The following COL3A1 variants were observed in gnomAD, a reference collection of about 807,000 sequenced individuals.
COL3A1 encodes the protein collagen type III alpha 1 chain, also known as collagen alpha-1(III) chain.
A neutral mutation model predicts 200.9 loss-of-function variants in COL3A1; 46 were observed. The ratio of observed to expected loss-of-function variants is 0.23; its 90% CI spans 0.18 to 0.29. The LOEUF (loss-of-function observed/expected upper bound fraction) is 0.29, where lower values mean the gene tolerates loss of function less well. Among genes scored for constraint, COL3A1 ranks in the 10% least tolerant of loss-of-function variants. The probability of loss-of-function intolerance (pLI) is 1.00; values close to 1 mark genes in which losing one functional copy is unlikely to be tolerated. For synonymous variants in COL3A1, 650 were observed against 628.0 expected (o/e 1.03, Z -0.52); for missense variants, 1,367 against 1,917.6 (o/e 0.71, Z 5.36).
chr2:188,974,689 G>C, intron 1 of COL3A1, 121 bp downstream of exon 1: 2 of 798,562 alleles, frequency 2.5e-6, no homozygotes, highest in South Asian at 2.8e-5. Context: ...ATAAGCTCCA[G>C]ATTGTGAAAC....
intron 1 of COL3A1, among the ~76,000 whole-genome samples, chr2:188,984,144 C>A (rs1210835989): frequency 6.6e-6 from 1 of 151,874 alleles, no homozygotes; most frequent in Non-Finnish European, 1.5e-5. Flanking sequence ...TCTTTACATC[C>A]ATATGGGATA....
At position 188,998,288 on chromosome 2, in the gene COL3A1, C is replaced by A; in HGVS notation, c.1946C>A (p.Pro649His). ...TAGGGCTTGCCTGGTACAGGTGGTCCTCCAGGAGAAAATGGAAAACCTGGG... is the reference window on the plus strand; with the variant it reads ...TAGGGCTTGCCTGGTACAGGTGGTCATCCAGGAGAAAATGGAAAACCTGGG... ...GLQGLPGTGG[P>H]PGENGKPGEP... The change falls in exon 28 of 51, where the codon CCT becomes CAT. Residue 649 changes from proline to histidine, a missense_variant. By Grantham distance (77) the Pro-to-His change is moderately conservative (BLOSUM62 -2). Coordinates refer to ENST00000304636, the MANE Select transcript of COL3A1 (RefSeq NM_000090.4). 1 of 1,613,786 alleles carries A rather than the reference C, an allele frequency of 6.2e-7. No individual in the cohort carries two copies. Among genetic ancestry groups the A allele is most frequent in the South Asian group, 1.1e-5 (1 of 91,040 alleles).
chr2:189,005,238 A>G, intron 40 of COL3A1, 112 bp from the exon 41 acceptor site: 1 of 997,754 alleles, frequency 1.0e-6, no homozygotes, highest in Non-Finnish European at 1.5e-6. Context: ...TTTAAAATTC[A>G]ATGAAGATTA....
At chr2:188,993,060 G>A in intron 15 of COL3A1, 120 bp downstream of exon 15, 2 of 906,418 alleles carry the variant, frequency 2.2e-6, no homozygotes, top group East Asian at 4.9e-5. Flanking sequence ...ATCTATACAT[G>A]TCTTTAAAGC....
At chr2:188,998,354 A>C (rs773387414) in intron 28 of COL3A1, 35 bp downstream of exon 28, 1 of 1,570,872 alleles carries the variant, frequency 6.4e-7, no homozygotes. Flanking sequence ...ACTCAGAAAC[A>C]AAAAGAATAC....
intron 32 of COL3A1, among the ~76,000 whole-genome samples, chr2:189,000,912 C>A (rs1369073609): frequency 6.6e-6 from 1 of 152,064 alleles, no homozygotes; most frequent in Admixed American, 6.6e-5. Flanking sequence ...TCGCTTTTGA[C>A]AGACTAAGTA....
chr2:188,993,189 A>C (rs2153502264), intron 15 of COL3A1, among the ~76,000 whole-genome samples, 172 bp from the exon 16 acceptor site: 1 of 152,196 alleles, frequency 6.6e-6, no homozygotes, highest in East Asian at 1.9e-4. Flanking sequence ...AATCACACAC[A>C]CATAGTTACA....
Position 188,990,196 on chromosome 2 carries a change from A to G in COL3A1, c.744+47A>G, listed in dbSNP as rs576067998. On this transcript the variant is annotated intron_variant, in intron 9 of 50. Coordinates refer to ENST00000304636, the MANE Select transcript of COL3A1 (RefSeq NM_000090.4). ...AATTAATTGGAATAATCTTAGCTTG[A>G]AAACTATTATGTAATTCAATGGAAT... 5.0e-6 allele frequency: 8 copies of G among 1,600,682 alleles called. No homozygotes were observed. In the Admixed American group the frequency reaches 6.7e-5, roughly 13 times the overall value.
At chr2:188,981,822 A>G (rs746191213) in intron 1 of COL3A1, among the ~76,000 whole-genome samples, 15 of 151,604 alleles carry the variant, frequency 9.9e-5, no homozygotes, top group Non-Finnish European at 4.4e-5. Context: ...AGTAGAATAT[A>G]TTGCTAACTA....
At chr2:188,991,196 C>G (rs1233192039) in intron 11 of COL3A1, 139 bp downstream of exon 11, 4 of 858,154 alleles carry the variant, frequency 4.7e-6, no homozygotes, top group Non-Finnish European at 7.3e-6. Context: ...TAATGGTAAC[C>G]AATTCAGATA....
chr2:188,991,121 G>T, intron 11 of COL3A1, 64 bp downstream of exon 11: 3 of 1,515,244 alleles, frequency 2.0e-6, no homozygotes, highest in African/African-American at 1.4e-5. Context: ...CTACATATAA[G>T]ATTCATATTG....
At position 189,003,740 on chromosome 2, in the gene COL3A1, G is replaced by A. The variant is rs1475390693; in HGVS notation, c.2614G>A (p.Ala872Thr). 1.9e-6 allele frequency: 3 copies of A among 1,613,730 alleles called. No homozygotes were observed. The highest frequency in any genetic ancestry group is 1.3e-5 in the African/African-American group (1 of 74,836). Residue 872 changes from alanine to threonine, a missense_variant, in exon 38 of 51, where the codon GCT becomes ACT. Around this residue, in one of 5 missense-constraint regions of COL3A1, gnomAD observed 846 missense variants for 1,147.9 expected, o/e 0.74. Coordinates refer to ENST00000304636, the MANE Select transcript of COL3A1 (RefSeq NM_000090.4). Reference protein sequence around the residue: ...ERGSPGGPGAAGFPGARGLPG... With the variant: ...ERGSPGGPGATGFPGARGLPG... ...ATATATTACCATTTCACAGGGTGCTGCTGGCTTCCCTGGTGCTCGTGGTCT... is the reference window on the plus strand; with the variant it reads ...ATATATTACCATTTCACAGGGTGCTACTGGCTTCCCTGGTGCTCGTGGTCT...
At chr2:189,004,510 C>A (rs2153503556) in intron 40 of COL3A1, 146 bp downstream of exon 40, 1 of 755,014 alleles carries the variant, frequency 1.3e-6, no homozygotes, top group Non-Finnish European at 2.2e-6. Flanking sequence ...TTTTTAAAAG[C>A]ATAAATTTTA....
Position 188,994,217 on chromosome 2 carries a change from C to T in COL3A1, c.1195-17C>T. 6.2e-7 allele frequency: 1 copy of T among 1,613,788 alleles called. No individual in the cohort carries two copies. The highest frequency in any genetic ancestry group is 8.5e-7 in the Non-Finnish European group (1 of 1,179,732). ...CATTCAAGTTCGGCTAATATAGTGT[C>T]TTTGGTTTGTTCTTAGGGTCCCGCT... On this transcript the variant is annotated splice_polypyrimidine_tract_variant and intron_variant, in intron 17 of 50. Coordinates refer to ENST00000304636, the MANE Select transcript of COL3A1 (RefSeq NM_000090.4). This position sits in a 1 kb window ranked among gnomAD's most constrained non-coding sequence, Gnocchi z 4.5.
At chr2:188,991,794 A>C in intron 13 of COL3A1, 72 bp downstream of exon 13, 1 of 1,502,958 alleles carries the variant, frequency 6.7e-7, no homozygotes, top group Non-Finnish European at 9.3e-7. Flanking sequence ...GTAAAGTTTC[A>C]GGCTGTAAAA....
At chr2:189,000,892 C>A (rs1471867369) in intron 32 of COL3A1, among the ~76,000 whole-genome samples, 1 of 152,042 alleles carries the variant, frequency 6.6e-6, no homozygotes, top group Admixed American at 6.6e-5. Context: ...TAAAGAAATT[C>A]ATAAATGCTT....
At chr2:188,993,330 AG>A (rs1688227997) in intron 15 of COL3A1, 30 bp from the exon 16 acceptor site, 1 of 1,535,190 alleles carries the variant, frequency 6.5e-7, no homozygotes, top group African/African-American at 1.4e-5. Context: ...AAGTGGTAAG[AG>A]AAACTGACTA....
intron 4 of COL3A1, among the ~76,000 whole-genome samples, 154 bp from the exon 5 acceptor site, chr2:188,986,905 G>A (rs544399179): frequency 2.0e-5 from 3 of 152,138 alleles, no homozygotes; most frequent in Admixed American, 1.3e-4. Flanking sequence ...AGAAAGACAC[G>A]ATAAACAAGA....
Position 188,995,734 on chromosome 2 carries a change from A to G in COL3A1, c.1552A>G (p.Arg518Gly), listed in dbSNP as rs1393337508. 1 of 1,567,002 alleles carries G rather than the reference A, an allele frequency of 6.4e-7. No individual in the cohort carries two copies. The highest frequency in any genetic ancestry group is 8.7e-7 in the Non-Finnish European group (1 of 1,155,304). Residue 518 changes from arginine (R) to glycine (G), a missense_variant, in exon 22 of 51, where the codon AGA (arginine) becomes GGA (glycine). Transcript: ENST00000304636. ...ERGAPGPAGP[R>G]GAAGEPGRDG... ...TGGTGCTCCAGGCCCTGCAGGGCCC[A>G]GAGGAGCTGCTGGAGAACCTGGCAG...
Sources: allele counts gnomAD v4.1 joint callset (sites outside exome capture counted in the v4.1 genomes callset), GRCh38; gene constraint gnomAD v4.1.1; regional missense constraint gnomAD v4.1.1; non-coding constraint Gnocchi (gnomAD v3.1); transcripts MANE v1.5; gene names NCBI Gene and HGNC (gene_info 2026-07-23, HGNC 2026-07-21).